The following PLD1 variants were observed in gnomAD, a reference collection of about 807,000 sequenced individuals.
The protein encoded by PLD1 is phospholipase D1, also known as choline phosphatase 1.
Under a neutral mutation model 137.1 loss-of-function variants are expected in PLD1, and 112 were observed. The ratio of observed to expected loss-of-function variants is 0.82; its 90% CI spans 0.70 to 0.96. PLD1 has a LOEUF of 0.96. Ranked by LOEUF, PLD1 falls within the 40% of genes least tolerant of loss-of-function variation. The probability of loss-of-function intolerance (pLI) is 0.00; values close to 1 mark genes in which losing one functional copy is unlikely to be tolerated. For synonymous variants in PLD1, 431 were observed against 454.7 expected (o/e 0.95, Z 0.66); for missense variants, 1,321 against 1,342.0 (o/e 0.98, Z 0.24).
chr3:171,604,635 C>T (rs944339186), intron 26 of PLD1, among the ~76,000 whole-genome samples: 1 of 152,126 alleles, frequency 6.6e-6, no homozygotes, highest in African/African-American at 2.4e-5. Context: ...CTTTTACATT[C>T]TTTATTATAA....
At chr3:171,737,840 C>T (rs1719483565) in intron 2 of PLD1, 52 bp downstream of exon 2, 6 of 1,558,372 alleles carry the variant, frequency 3.9e-6, no homozygotes, top group African/African-American at 1.4e-5. Flanking sequence ...TGTGGTCTTC[C>T]GACCAACCGA....
Position 171,724,823 on chromosome 3 carries a change from A to G in PLD1, c.666-35T>C, listed in dbSNP as rs753223923. Reference sequence around the variant, plus strand: ...ACAGAAAATTAACCCATCACCTTCAAATTTCCCACTCCCACTTAGCTCGTA... The same window carrying G: ...ACAGAAAATTAACCCATCACCTTCAGATTTCCCACTCCCACTTAGCTCGTA... On this transcript the variant is annotated intron_variant, in intron 7 of 26. Transcript: ENST00000351298. 13 of 1,284,566 alleles carry G rather than the reference A, an allele frequency of 1.0e-5. No homozygotes were observed. In the East Asian group the frequency reaches 2.3e-4, roughly 23 times the overall value. 79.6% of individuals were successfully genotyped at this position (1,284,566 alleles called of 1,614,324 possible).
At chr3:171,728,147 T>TA (rs1334541846) in intron 6 of PLD1, among the ~76,000 whole-genome samples, 1 of 152,008 alleles carries the variant, frequency 6.6e-6, no homozygotes. Flanking sequence ...CCATCTCTAC[T>TA]AAAAATACAA....
intron 20 of PLD1, among the ~76,000 whole-genome samples, chr3:171,659,912 C>T (rs945952804): frequency 6.6e-6 from 1 of 152,010 alleles, no homozygotes; most frequent in African/African-American, 2.4e-5. Flanking sequence ...TGTTTTTTTC[C>T]TCTAAGTACT....
intron 11 of PLD1, among the ~76,000 whole-genome samples, chr3:171,702,072 A>G (rs1413870966): frequency 6.6e-6 from 1 of 152,212 alleles, no homozygotes; most frequent in Non-Finnish European, 1.5e-5. Context: ...TAATAAATAT[A>G]AGAGTAGAAC....
Position 171,620,471 on chromosome 3 carries a change from A to C in PLD1, c.2643T>G (p.His881Gln). The C allele has an allele frequency of 1.2e-6, 2 of 1,600,854 alleles. No individual in the cohort carries two copies. Among genetic ancestry groups the C allele is most frequent in the Non-Finnish European group, 1.7e-6 (2 of 1,168,820 alleles). ...NYISFCGLRT[H>Q]AELEGNLVTE... ...TTACTAGGTTTCCTTCGAGCTCTGCATGTGTTCTAAGACCACAGAATGATA... is the reference window on the plus strand; with the variant it reads ...TTACTAGGTTTCCTTCGAGCTCTGCCTGTGTTCTAAGACCACAGAATGATA... The change falls in exon 24 of 27, where the codon CAT (histidine) becomes CAG (glutamine). Residue 881 changes from histidine to glutamine, a missense_variant. Transcript: ENST00000351298.
At chr3:171,749,091 G>A (rs1308479500) in intron 1 of PLD1, among the ~76,000 whole-genome samples, 2 of 152,032 alleles carry the variant, frequency 1.3e-5, no homozygotes, top group African/African-American at 4.8e-5. Context: ...AGAATTGTTA[G>A]GTAAATTGTA....
At chr3:171,739,074 G>A (rs1157174195) in intron 1 of PLD1, among the ~76,000 whole-genome samples, 1 of 152,164 alleles carries the variant, frequency 6.6e-6, no homozygotes, top group Non-Finnish European at 1.5e-5. Flanking sequence ...GGTGAATAAG[G>A]CAGGCCCCTG....
intron 1 of PLD1, among the ~76,000 whole-genome samples, chr3:171,773,597 G>A (rs928356686): frequency 6.6e-6 from 1 of 151,490 alleles, no homozygotes; most frequent in Non-Finnish European, 1.5e-5. Context: ...GCGAGACTCC[G>A]TCTCAAAAAA....
chr3:171,708,396 T>A (rs1716867134), intron 11 of PLD1, among the ~76,000 whole-genome samples: 1 of 152,164 alleles, frequency 6.6e-6, no homozygotes, highest in African/African-American at 2.4e-5. Context: ...AGAAGTATAT[T>A]CACTGGCCCT....
chr3:171,790,877 A>G (rs1015364150), intron 1 of PLD1, among the ~76,000 whole-genome samples: 1 of 152,230 alleles, frequency 6.6e-6, no homozygotes, highest in Non-Finnish European at 1.5e-5. Flanking sequence ...TGATACTTGT[A>G]GTGAAACACA....
chr3:171,606,300 A>G (rs546898417), intron 25 of PLD1, among the ~76,000 whole-genome samples: 1 of 152,260 alleles, frequency 6.6e-6, no homozygotes, highest in Non-Finnish European at 1.5e-5. Context: ...TTTGTGGGAG[A>G]TCAGGAATTC....
intron 23 of PLD1, among the ~76,000 whole-genome samples, chr3:171,627,674 T>C (rs1734246713): frequency 6.6e-6 from 1 of 152,218 alleles, no homozygotes; most frequent in Non-Finnish European, 1.5e-5. Flanking sequence ...CAGACCATAG[T>C]GCAATCAAAG....
chr3:171,720,377 G>A (rs934625431), intron 8 of PLD1, among the ~76,000 whole-genome samples: 2 of 150,634 alleles, frequency 1.3e-5, no homozygotes, highest in African/African-American at 4.9e-5. Context: ...GGCGGATCAC[G>A]AGGTTAGGAG....
rs768725877 is a variant in PLD1, at chr3:171,692,426, A to T, written c.1244T>A (p.Ile415Asn). The stretch of plus-strand genomic sequence containing the variant: ...CACCTCTTTGTAGAGCATTATGAAG[A>T]TCCTCACTCCTTGTTGCTGTCACAG... Reference protein sequence around the residue: ...LKRKAQQGVRIFIMLYKEVEL... With the variant: ...LKRKAQQGVRNFIMLYKEVEL... Residue 415 changes from isoleucine (I) to asparagine (N), a missense_variant, in exon 13 of 27, where the codon ATC (isoleucine) becomes AAC (asparagine). Ile to Asn is a moderately radical substitution (Grantham distance 149, BLOSUM62 -3). Transcript: ENST00000351298. The T allele has an allele frequency of 2.5e-6, 4 of 1,575,076 alleles. No homozygotes were observed. In the Admixed American group the frequency reaches 6.7e-5, roughly 26 times the overall value.
intron 1 of PLD1, among the ~76,000 whole-genome samples, chr3:171,773,331 T>A (rs555803849): frequency 1.3e-5 from 2 of 152,308 alleles, no homozygotes; most frequent in African/African-American, 4.8e-5. Flanking sequence ...CAGTGGCTCA[T>A]GCCTGTAAGC....
chr3:171,618,825 T>G (rs1421319646), intron 24 of PLD1, among the ~76,000 whole-genome samples: 1 of 144,954 alleles, frequency 6.9e-6, no homozygotes, highest in East Asian at 2.0e-4. Context: ...AATATTATTT[T>G]AATGTGCTAT....
At chr3:171,700,151 T>G (rs1716116797) in intron 11 of PLD1, among the ~76,000 whole-genome samples, 1 of 151,814 alleles carries the variant, frequency 6.6e-6, no homozygotes, top group Non-Finnish European at 1.5e-5. Flanking sequence ...TCTTCCCTGC[T>G]CTCAGAGCCT....
chr3:171,667,573 G>A (rs572071760), intron 19 of PLD1, among the ~76,000 whole-genome samples: 1 of 152,182 alleles, frequency 6.6e-6, no homozygotes, highest in South Asian at 2.1e-4. Context: ...CAAAAGGAGA[G>A]TTAGGGATGG....
Sources: gnomAD v4.1 joint callset for allele counts (sites outside exome capture counted in the v4.1 genomes callset) on GRCh38, gnomAD v4.1.1 for gene constraint, MANE v1.5 for transcripts, NCBI Gene and HGNC (gene_info 2026-07-23, HGNC 2026-07-21) for gene names.